CPLX1: variants seen among roughly 807,000 people sequenced by gnomAD.
CPLX1 encodes the protein complexin 1, also known as complexin-1.
In CPLX1, 6 loss-of-function variants were observed where a neutral mutation model predicts 15.6. The ratio of observed to expected loss-of-function variants is 0.39; its 90% CI spans 0.21 to 0.76. The LOEUF is 0.76. Ranked by LOEUF, CPLX1 falls within the 30% of genes least tolerant of loss-of-function variation. The pLI is 0.43. For synonymous variants in CPLX1, 91 were observed against 75.2 expected (o/e 1.21, Z -1.08); for missense variants, 242 against 188.6 (o/e 1.28, Z -1.66).
At chr4:810,337 C>T (rs1746643775) in intron 2 of CPLX1, among the ~76,000 whole-genome samples, 1 of 152,220 alleles carries the variant, frequency 6.6e-6, no homozygotes, top group Non-Finnish European at 1.5e-5. Context: ...GCGTGAGCCA[C>T]CACGCCCGGC....
At chr4:791,330 C>T (rs1746168965) in intron 3 of CPLX1, among the ~76,000 whole-genome samples, 1 of 151,396 alleles carries the variant, frequency 6.6e-6, no homozygotes, top group Admixed American at 6.6e-5. Context: ...CTTCTCTGCA[C>T]CCTCCAGGGT....
At chr4:804,840 G>A (rs1374846024) in intron 2 of CPLX1, 90 of 982,910 alleles carry the variant, frequency 9.2e-5, no homozygotes, top group Non-Finnish European at 9.7e-5. Context: ...CGTGGGGAGC[G>A]ACGTGCTCAG....
chr4:817,384 T>A (rs1278981383), intron 2 of CPLX1, among the ~76,000 whole-genome samples: 1 of 146,516 alleles, frequency 6.8e-6, no homozygotes, highest in African/African-American at 2.5e-5. Context: ...TGAAACCCCG[T>A]CTCTACTAAA....
At chr4:800,717 T>C (rs1577475698) in intron 2 of CPLX1, among the ~76,000 whole-genome samples, 2 of 83,108 alleles carry the variant, frequency 2.4e-5, no homozygotes, top group South Asian at 5.4e-4. Context: ...GGAAACCCCG[T>C]CTCTACTAAA....
At chr4:789,559 GC>G (rs1746105901) in intron 3 of CPLX1, among the ~76,000 whole-genome samples, 1 of 152,198 alleles carries the variant, frequency 6.6e-6, no homozygotes, top group African/African-American at 2.4e-5. Flanking sequence ...CCCTCAGAAG[GC>G]CCGTGCAGGA....
intron 2 of CPLX1, among the ~76,000 whole-genome samples, chr4:806,687 G>A (rs1213023211): frequency 6.6e-6 from 1 of 151,720 alleles, no homozygotes. Context: ...GAACCCAAAC[G>A]AAAGACATTT....
chr4:824,768 C>A, intron 1 of CPLX1, 167 bp from the exon 2 acceptor site: 1 of 685,758 alleles, frequency 1.5e-6, no homozygotes, highest in East Asian at 2.8e-5. Context: ...CACACCCAAA[C>A]CAGGACCCCA....
At chr4:788,127 G>T in intron 3 of CPLX1, 1 of 985,394 alleles carries the variant, frequency 1.0e-6, no homozygotes, top group South Asian at 4.7e-5. Flanking sequence ...CTGCCCAGGA[G>T]GAGCCCCTCC....
intron 3 of CPLX1, among the ~76,000 whole-genome samples, chr4:789,351 G>A (rs184633827): frequency 8.5e-5 from 13 of 152,266 alleles, no homozygotes; most frequent in African/African-American, 1.9e-4. Flanking sequence ...GCCCTGACAC[G>A]TCTGAGGTGA....
chr4:788,446 C>G, intron 3 of CPLX1: 2 of 985,398 alleles, frequency 2.0e-6, no homozygotes, highest in Non-Finnish European at 2.4e-6. Flanking sequence ...GGGCCGTGGG[C>G]TCGCCCTAGT....
chr4:812,595 A>C (rs1170981244), intron 2 of CPLX1, among the ~76,000 whole-genome samples: 1 of 152,190 alleles, frequency 6.6e-6, no homozygotes, highest in African/African-American at 2.4e-5. Flanking sequence ...AATCCCACCT[A>C]GCAAAGTTCC....
intron 3 of CPLX1, 34 bp from the exon 4 acceptor site, chr4:786,732 C>G: frequency 6.5e-7 from 1 of 1,547,580 alleles, no homozygotes. Flanking sequence ...GCGGGGGTCC[C>G]GGCGGCTCCC....
At chr4:797,201 T>G (rs1392848777) in intron 2 of CPLX1, among the ~76,000 whole-genome samples, 1 of 152,244 alleles carries the variant, frequency 6.6e-6, no homozygotes, top group Non-Finnish European at 1.5e-5. Flanking sequence ...CCCTTTGTAG[T>G]TGTCCATTAC....
chr4:820,187 C>T (rs938881616), intron 2 of CPLX1, among the ~76,000 whole-genome samples: 1 of 151,534 alleles, frequency 6.6e-6, no homozygotes, highest in African/African-American at 2.4e-5. Flanking sequence ...GCAGCTCCAC[C>T]GTCCTCCCGG....
chr4:803,649 C>T (rs572295068), intron 2 of CPLX1, among the ~76,000 whole-genome samples: 4 of 150,428 alleles, frequency 2.7e-5, no homozygotes, highest in Non-Finnish European at 5.9e-5. Flanking sequence ...CCTCTCAAAG[C>T]GCTGGGATTA....
intron 2 of CPLX1, among the ~76,000 whole-genome samples, chr4:818,521 A>C (rs1746802680): frequency 6.6e-6 from 1 of 152,252 alleles, no homozygotes; most frequent in African/African-American, 2.4e-5. Flanking sequence ...GTGGCTTTGC[A>C]GATCTTCATT....
At chr4:797,761 G>A (rs887086452) in intron 2 of CPLX1, among the ~76,000 whole-genome samples, 11 of 151,562 alleles carry the variant, frequency 7.3e-5, no homozygotes, top group East Asian at 2.0e-4. Flanking sequence ...ATGAGACCCC[G>A]TCTCTACTAA....
intron 2 of CPLX1, among the ~76,000 whole-genome samples, chr4:802,950 CA>C (rs34752621): frequency 0.29 from 28,743 of 98,908 alleles, 3,842 homozygotes; most frequent in African/African-American, 0.49. Flanking sequence ...GACTCTGTCT[CA>C]AAAAAAAAAA....
rs749104326 is a variant in CPLX1, at chr4:792,490, G to C, written c.150C>G (p.Ala50=). Residue 50 remains alanine (A), a synonymous_variant, in exon 3 of 4, where the codon GCC becomes GCG. Transcript: ENST00000304062. ...GCTCCGCCTCCATCTTGGCGTACTT[G>C]GCCTTGCGCTCCTCCTCCGCCTGGC... The part of the protein sequence containing the change: ...ALRQAEEERK[A]KYAKMEAERE... The C allele has an allele frequency of 1.1e-5, 18 of 1,612,656 alleles. No individual in the cohort carries two copies. The highest frequency in any genetic ancestry group is 1.5e-5 in the Non-Finnish European group (18 of 1,179,560).
Sources: gnomAD v4.1 joint callset for allele counts (sites outside exome capture counted in the v4.1 genomes callset) on GRCh38, gnomAD v4.1.1 for gene constraint, MANE v1.5 for transcripts, NCBI Gene and HGNC (gene_info 2026-07-23, HGNC 2026-07-21) for gene names.